UNC13A: variants seen among roughly 807,000 people sequenced by gnomAD.
The protein encoded by UNC13A is unc-13 homolog A.
UNC13A carries 61 observed loss-of-function variants against 219.7 expected under a neutral mutation model. The observed-to-expected ratio is 0.28, with a 90% CI of 0.23 to 0.34. The LOEUF is 0.34. UNC13A is among the 10% of genes least tolerant of loss of function. The pLI, the probability that UNC13A is intolerant of heterozygous loss-of-function variation, is 1.00. For missense variants in UNC13A, 1,476 were observed against 2,270.3 expected, an observed-to-expected ratio of 0.65 and a Z score of 7.11; for synonymous variants, 920 against 884.6, an observed-to-expected ratio of 1.04 and a Z score of -0.71.
At chr19:17,676,772 A>T (rs2079907404) in intron 1 of UNC13A, among the ~76,000 whole-genome samples, 1 of 152,160 alleles carries the variant, frequency 6.6e-6, no homozygotes, top group Non-Finnish European at 1.5e-5. Context: ...CCAGCACTTT[A>T]GGTGGCTGAA....
chr19:17,686,305 C>CG (rs1427476331), intron 1 of UNC13A, among the ~76,000 whole-genome samples: 6 of 37,076 alleles, frequency 1.6e-4, no homozygotes, highest in Admixed American at 1.0e-3. Flanking sequence ...CCCGCCCCCC[C>CG]CCCCCCCCCC....
Position 17,627,156 on chromosome 19 carries a change from C to T in UNC13A, c.3920+353G>A, listed in dbSNP as rs1207285939. On this transcript the variant is annotated intron_variant, in intron 33 of 43. Transcript: ENST00000519716. This position sits in a 1 kb window ranked among gnomAD's most constrained non-coding sequence, Gnocchi z 4.7. ...ACTCCAGCCTGGTGACAGAACGAGA[C>T]TTCGTCTCAAAAAAAAAAAAAGAGT... Among the ~76,000 whole-genome samples the T allele has an allele frequency of 3.4e-5, 5 of 147,720 alleles. No homozygotes were observed. The highest frequency in any genetic ancestry group is 6.7e-5 in the Admixed American group (1 of 14,868).
rs1369752575 is a variant in UNC13A at position 17,647,255 on chromosome 19, G to T, written c.2044+10C>A. 5 of 1,558,222 alleles carry T rather than the reference G, an allele frequency of 3.2e-6. No individual in the cohort carries two copies. Among genetic ancestry groups the T allele is most frequent in the Non-Finnish European group, 4.3e-6 (5 of 1,151,778 alleles). On this transcript the variant is annotated intron_variant, in intron 17 of 43. Coordinates refer to ENST00000519716, the MANE Select transcript of UNC13A (RefSeq NM_001080421.3). ...AAGGAGGGGCCCTATGGCGGCCCAC[G>T]CCCCCTCACCGGTGATGCTGATCTT...
At chr19:17,660,047 C>T (rs568713314) in intron 8 of UNC13A, among the ~76,000 whole-genome samples, 4 of 152,284 alleles carry the variant, frequency 2.6e-5, no homozygotes, top group Non-Finnish European at 5.9e-5. Flanking sequence ...AGGCACACAC[C>T]ACCACACCCA....
At chr19:17,614,614 G>A (rs1236120468) in intron 41 of UNC13A, among the ~76,000 whole-genome samples, 1 of 152,024 alleles carries the variant, frequency 6.6e-6, no homozygotes, top group African/African-American at 2.4e-5. Context: ...AGGTGAGGGT[G>A]GGAGGTTGGG....
intron 21 of UNC13A, 145 bp from the exon 22 acceptor site, chr19:17,640,806 C>T: frequency 1.4e-6 from 1 of 736,716 alleles, no homozygotes. Flanking sequence ...TCCTTTGGGT[C>T]TCCGCATCTC....
At chr19:17,606,483 C>G (rs563100670) in intron 43 of UNC13A, 129 bp from the exon 44 acceptor site, 2 of 1,282,086 alleles carry the variant, frequency 1.6e-6, no homozygotes, top group East Asian at 2.7e-5. Flanking sequence ...TCCCACGCTA[C>G]GCTAGCCCCG....
At chr19:17,641,355 CT>C in intron 21 of UNC13A, 37 bp downstream of exon 21, 1 of 1,603,318 alleles carries the variant, frequency 6.2e-7, no homozygotes, top group Non-Finnish European at 8.5e-7. Context: ...ACTTGGTGAC[CT>C]CCCTCTTGTT....
Position 17,640,719 on chromosome 19 carries a change from C to T in UNC13A, c.2637-58G>A, listed in dbSNP as rs1434904651. The stretch of plus-strand genomic sequence containing the variant: ...GGGTCCAGCCAGGATGGACCAAGAT[C>T]CCCCCTAGAATGCCTCCAAGATAGC... On this transcript the variant is annotated intron_variant, in intron 21 of 43. Coordinates refer to ENST00000519716, the MANE Select transcript of UNC13A (RefSeq NM_001080421.3). 5.4e-6 allele frequency: 8 copies of T among 1,490,456 alleles called. No homozygotes were observed. The African/African-American group carries it at 1.1e-4, about 21-fold the overall frequency. The allele number at this position is 1,490,456 out of a possible 1,614,324, so 92.3% of individuals were successfully genotyped here.
chr19:17,623,528 G>A lies in UNC13A; in HGVS notation c.4203+14C>T, dbSNP rs999807607. ...AGGACGGACAGACAGACGGACAGAC[G>A]GGACTCTACTTACGATCATCTGTCA... On this transcript the variant is annotated intron_variant, in intron 36 of 43. Transcript: ENST00000519716. 8 of 1,514,862 alleles carry A rather than the reference G, an allele frequency of 5.3e-6. No homozygotes were observed. The highest frequency in any genetic ancestry group is 2.8e-5 in the African/African-American group (2 of 71,268). 93.8% of individuals were successfully genotyped at this position (1,514,862 alleles called of 1,614,324 possible). A position where few individuals can be genotyped will look rare whatever the true frequency, so the allele number is the denominator to read the frequency against.
chr19:17,628,302 C>CTTTTTA, intron 31 of UNC13A: 1 of 290,052 alleles, frequency 3.4e-6, no homozygotes, highest in Non-Finnish European at 6.6e-6. Context: ...GACAGTGACA[C>CTTTTTA]ACTGAAGGCG....
chr19:17,606,034 C>G lies in UNC13A; in HGVS notation c.*20G>C, dbSNP rs1362363396. On this transcript the variant is annotated 3_prime_UTR_variant, in exon 44 of 44. Coordinates refer to ENST00000519716, the MANE Select transcript of UNC13A (RefSeq NM_001080421.3). ...AGCGCCCTCCGCGCAGGCGCAGTGCCGCTCGGCCGACCGCCCGCGCTAAGG... is the reference window on the plus strand; with the variant it reads ...AGCGCCCTCCGCGCAGGCGCAGTGCGGCTCGGCCGACCGCCCGCGCTAAGG... 14 of 1,472,742 alleles carry G rather than the reference C, an allele frequency of 9.5e-6. No individual in the cohort carries two copies. The highest frequency in any genetic ancestry group is 1.3e-5 in the Non-Finnish European group (14 of 1,117,336). The allele number at this position is 1,472,742 out of a possible 1,614,324, so 91.2% of individuals were successfully genotyped here. A position where few individuals can be genotyped will look rare whatever the true frequency, so the allele number is the denominator to read the frequency against.
intron 4 of UNC13A, among the ~76,000 whole-genome samples, chr19:17,671,948 C>T (rs1476164647): frequency 6.6e-6 from 1 of 152,084 alleles, no homozygotes; most frequent in Non-Finnish European, 1.5e-5. Context: ...TTTCTCCTTC[C>T]AAGGTAATAC....
chr19:17,658,559 T>A (rs1416312403), intron 8 of UNC13A, among the ~76,000 whole-genome samples: 1 of 152,142 alleles, frequency 6.6e-6, no homozygotes, highest in Admixed American at 6.5e-5. Context: ...TCAGCTCAAA[T>A]GTGAAGAACA....
At chr19:17,658,476 T>G (rs1181511903) in intron 8 of UNC13A, among the ~76,000 whole-genome samples, 1 of 152,148 alleles carries the variant, frequency 6.6e-6, no homozygotes, top group Admixed American at 6.5e-5. Flanking sequence ...GTGGGTCAAA[T>G]TGGACCTAAA....
intron 42 of UNC13A, among the ~76,000 whole-genome samples, chr19:17,610,806 A>G (rs1032856337): frequency 5.9e-5 from 9 of 152,092 alleles, no homozygotes; most frequent in African/African-American, 2.2e-4. Flanking sequence ...AGGTGGGAGG[A>G]CTGCTTGAGG....
In UNC13A at chr19:17,636,691, C is replaced by A. The variant is rs115848325; in HGVS notation, c.3082-534G>T. On this transcript the variant is annotated intron_variant, in intron 25 of 43. Coordinates refer to ENST00000519716, the MANE Select transcript of UNC13A (RefSeq NM_001080421.3). ...CGAACTCAACTCTACCCAAGTCAAC[C>A]CAATCCGATTCTACCTATCTAAACC... Among the ~76,000 whole-genome samples, 894 of 152,256 alleles carry A rather than the reference C, an allele frequency of 5.9e-3. 8 individuals are homozygous for A. Among genetic ancestry groups the A allele is most frequent in the African/African-American group, 0.02 (851 of 41,542 alleles).
chr19:17,609,602 CAG>C (rs1183336160), intron 43 of UNC13A, among the ~76,000 whole-genome samples: 4 of 152,208 alleles, frequency 2.6e-5, no homozygotes, highest in African/African-American at 7.2e-5. Context: ...CTTCACCAGA[CAG>C]AGTCTCCAGC....
At chr19:17,679,981 CGA>C (rs1286356051) in intron 1 of UNC13A, among the ~76,000 whole-genome samples, 4 of 152,140 alleles carry the variant, frequency 2.6e-5, no homozygotes, top group African/African-American at 9.6e-5. Flanking sequence ...AGCTCCCTGC[CGA>C]GGTCCAGGTT....
Sources: allele counts gnomAD v4.1 joint callset (sites outside exome capture counted in the v4.1 genomes callset), GRCh38; gene constraint gnomAD v4.1.1; non-coding constraint Gnocchi (gnomAD v3.1); transcripts MANE v1.5; gene names NCBI Gene and HGNC (gene_info 2026-07-23, HGNC 2026-07-21).